The following BPIFB1 variants were observed in gnomAD, a reference collection of about 807,000 sequenced individuals.
BPIFB1 encodes the protein BPI fold-containing family B member 1.
In BPIFB1, 34 loss-of-function variants were observed where a neutral mutation model predicts 55.1. The observed-to-expected ratio is 0.62, with a 90% CI of 0.47 to 0.82. The LOEUF is 0.82. Ranked by LOEUF, BPIFB1 falls within the 40% of genes least tolerant of loss-of-function variation. The pLI is 0.00. For missense variants in BPIFB1, 532 were observed against 593.1 expected (o/e 0.90, Z 1.07); for synonymous variants, 236 against 245.3 (o/e 0.96, Z 0.35).
At position 33,306,912 on chromosome 20, in the gene BPIFB1, C is replaced by A. The variant is rs112594680; in HGVS notation, c.1320C>A (p.Gly440=). The A allele has an allele frequency of 6.2e-7, 1 of 1,613,572 alleles. No individual in the cohort carries two copies. The highest frequency in any genetic ancestry group is 8.5e-7 in the Non-Finnish European group (1 of 1,179,420). Residue 440 remains glycine, a splice_region_variant and synonymous_variant, in exon 15 of 16, where the codon GGC becomes GGA. Transcript: ENST00000253354. ...IHSILLPNQN[G]KLRSGVPVSL... ...TTCTGACCACATTTGTTATTTCAGG[C>A]AAATTAAGATCTGGGGTCCCAGTGT...
chr20:33,301,419 C>G lies in BPIFB1; in HGVS notation c.927+7C>G, dbSNP rs1485112070. ...GGTCCTGTTGGACTCTGTGGTAAAC[C>G]TCAGCACAAGGCAGAGAATAGGGCC... On this transcript the variant is annotated splice_region_variant and intron_variant, in intron 9 of 15. Transcript: ENST00000253354. The G allele has an allele frequency of 5.0e-6, 8 of 1,610,818 alleles. No homozygotes were observed. The East Asian group carries it at 6.7e-5, about 13-fold the overall frequency.
intron 3 of BPIFB1, among the ~76,000 whole-genome samples, chr20:33,289,231 A>C (rs567456085): frequency 6.6e-6 from 1 of 152,190 alleles, no homozygotes; most frequent in East Asian, 1.9e-4. Context: ...AAATATAAAA[A>C]TTAGCCAGGC....
intron 7 of BPIFB1, 157 bp downstream of exon 7, chr20:33,297,745 G>A (rs918948353): frequency 1.3e-5 from 10 of 759,262 alleles, no homozygotes; most frequent in African/African-American, 1.2e-4. Context: ...TGCCCCAGAC[G>A]CGCAGACAGA....
chr20:33,283,643 A>C (rs1360172418), intron 1 of BPIFB1, among the ~76,000 whole-genome samples: 2 of 152,162 alleles, frequency 1.3e-5, no homozygotes, highest in Non-Finnish European at 2.9e-5. Flanking sequence ...ACCCAGGGAC[A>C]TGGGAGTGGA....
At position 33,309,719 on chromosome 20, in the gene BPIFB1, G is replaced by A; in HGVS notation, c.1407G>A (p.Val469=). 1.2e-6 allele frequency: 2 copies of A among 1,614,078 alleles called. No homozygotes were observed. Among genetic ancestry groups the A allele is most frequent in the Non-Finnish European group, 1.7e-6 (2 of 1,179,944 alleles). The change falls in exon 16 of 16, where the codon GTG becomes GTA. Residue 469 remains valine (V), a synonymous_variant. Transcript: ENST00000253354. The surrounding 1 kb of genome is among the most constrained non-coding windows in gnomAD (Gnocchi z 4.4). ...CCCTCCAATTCCAGGATGCCCTTGT[G>A]CTTACTCCAGCCTCCTTGTGGAAAC... ...AESSLTKDAL[V]LTPASLWKPS...
chr20:33,304,792 A>C (rs1980968406), intron 12 of BPIFB1, 54 bp from the exon 13 acceptor site: 1 of 1,605,578 alleles, frequency 6.2e-7, no homozygotes, highest in African/African-American at 1.3e-5. Context: ...GAATGAGTGG[A>C]TGGTGAATGA....
rs762731549 is a variant in BPIFB1 at position 33,302,949 on chromosome 20, A to C, written c.1015A>C (p.Lys339Gln). 6.2e-7 allele frequency: 1 copy of C among 1,614,088 alleles called. No individual in the cohort carries two copies. Among genetic ancestry groups the C allele is most frequent in the South Asian group, 1.1e-5 (1 of 91,068 alleles). ...ADKLGSTQIV[K>Q]ILTQDTPEFF... ...TAAGCTGGGATCTACCCAGATCGTG[A>C]AGATCCTAACTCAGGACACTCCCGA... Residue 339 changes from lysine (K) to glutamine (Q), a missense_variant, in exon 11 of 16, where the codon AAG becomes CAG. Transcript: ENST00000253354.
Position 33,288,793 on chromosome 20 carries a change from G to T in BPIFB1, c.168G>T (p.Leu56=), listed in dbSNP as rs139237364. The part of the protein sequence containing the change: ...DHNATSILQQ[L]PLLSAMREKP... Reference sequence around the variant, plus strand: ...ACGCCACCAGCATCCTGCAGCAGCTGCCGCTGCTCAGTGCCATGCGGGAAA... The same window carrying T: ...ACGCCACCAGCATCCTGCAGCAGCTTCCGCTGCTCAGTGCCATGCGGGAAA... The change falls in exon 3 of 16, where the codon CTG becomes CTT. Residue 56 remains leucine (L), a synonymous_variant. Transcript: ENST00000253354. 86 of 1,613,908 alleles carry T rather than the reference G, an allele frequency of 5.3e-5. No individual in the cohort carries two copies. Among genetic ancestry groups the T allele is most frequent in the Non-Finnish European group, 6.8e-5 (80 of 1,180,032 alleles).
intron 8 of BPIFB1, among the ~76,000 whole-genome samples, chr20:33,300,539 C>T (rs113797679): frequency 2.0e-5 from 3 of 152,164 alleles, no homozygotes; most frequent in Non-Finnish European, 2.9e-5. Context: ...TGGCTGGACG[C>T]CCCAAAGGGC....
At chr20:33,307,379 C>G in intron 15 of BPIFB1, 1 of 183,784 alleles carries the variant, frequency 5.4e-6, no homozygotes, top group Non-Finnish European at 1.1e-5. Context: ...TACACAAGCC[C>G]TAAAGATGTA....
At chr20:33,300,790 G>A (rs373140272) in intron 8 of BPIFB1, among the ~76,000 whole-genome samples, 1 of 152,186 alleles carries the variant, frequency 6.6e-6, no homozygotes, top group African/African-American at 2.4e-5. Flanking sequence ...GTTCCGCCAT[G>A]TTGCCCAGGC....
Position 33,305,982 on chromosome 20 carries a change from G to T in BPIFB1, c.1255-20G>T. ...TCAGATGCTCAACCAGGGTGACAGT[G>T]CCCCTTCTCTCTCTCACAGCCTGAT... On this transcript the variant is annotated intron_variant, in intron 13 of 15. Transcript: ENST00000253354. 6.2e-7 allele frequency: 1 copy of T among 1,613,706 alleles called. No homozygotes were observed. The highest frequency in any genetic ancestry group is 8.5e-7 in the Non-Finnish European group (1 of 1,179,718).
intron 12 of BPIFB1, among the ~76,000 whole-genome samples, chr20:33,304,513 T>C (rs1018511263): frequency 1.3e-5 from 2 of 152,234 alleles, no homozygotes; most frequent in Admixed American, 1.3e-4. Flanking sequence ...CTGGCTGCCC[T>C]GTGCCCACAA....
intron 8 of BPIFB1, among the ~76,000 whole-genome samples, chr20:33,300,522 C>T (rs1051802999): frequency 6.6e-6 from 1 of 152,190 alleles, no homozygotes; most frequent in South Asian, 2.1e-4. Flanking sequence ...GCTGCACAGC[C>T]ATGCTGTGGC....
At chr20:33,291,195 G>A (rs369780329) in intron 5 of BPIFB1, 89 bp downstream of exon 5, 28 of 1,498,700 alleles carry the variant, frequency 1.9e-5, no homozygotes, top group East Asian at 7.1e-5. Flanking sequence ...AATGGAGAAC[G>A]CTGAGGCCTA....
intron 6 of BPIFB1, among the ~76,000 whole-genome samples, chr20:33,295,950 G>A (rs1014922318): frequency 3.6e-5 from 5 of 139,808 alleles, no homozygotes; most frequent in African/African-American, 1.3e-4. Context: ...GAAAAAGAGA[G>A]AGAGGGAGGG....
intron 7 of BPIFB1, among the ~76,000 whole-genome samples, chr20:33,298,162 A>G (rs957701719): frequency 6.6e-6 from 1 of 152,218 alleles, no homozygotes; most frequent in Non-Finnish European, 1.5e-5. Flanking sequence ...GCAGCATCAA[A>G]TAGTTCTATC....
intron 3 of BPIFB1, 149 bp downstream of exon 3, chr20:33,289,031 T>C: frequency 3.1e-6 from 3 of 957,662 alleles, no homozygotes; most frequent in Non-Finnish European, 4.5e-6. Context: ...GTCAAGAAGC[T>C]CCCAGAATAG....
chr20:33,303,266 G>A (rs1015047647), intron 11 of BPIFB1, among the ~76,000 whole-genome samples, 192 bp downstream of exon 11: 3 of 152,166 alleles, frequency 2.0e-5, no homozygotes, highest in African/African-American at 7.2e-5. Flanking sequence ...TCTTAGTCAG[G>A]AATCTCTGGA....
Sources: gnomAD v4.1 joint callset for allele counts (sites outside exome capture counted in the v4.1 genomes callset) on GRCh38, gnomAD v4.1.1 for gene constraint, Gnocchi (gnomAD v3.1) non-coding constraint, MANE v1.5 for transcripts, NCBI Gene and HGNC (gene_info 2026-07-23, HGNC 2026-07-21) for gene names.